Variants in MAGI2 observed in about 807,000 individuals in gnomAD.
The protein encoded by MAGI2 is membrane-associated guanylate kinase, WW and PDZ domain-containing protein 2.
A neutral mutation model predicts 133.3 loss-of-function variants in MAGI2; 35 were observed. That is an observed-to-expected ratio of 0.26 (90% CI 0.20 to 0.35). The LOEUF (loss-of-function observed/expected upper bound fraction) is 0.35. Ranked by LOEUF, MAGI2 falls within the 10% of genes least tolerant of loss-of-function variation. The pLI, the probability that MAGI2 is intolerant of heterozygous loss-of-function variation, is 1.00. For missense variants in MAGI2, 1,636 were observed against 1,863.4 expected (o/e 0.88, Z 2.25); for synonymous variants, 729 against 710.6 (o/e 1.03, Z -0.41).
intron 2 of MAGI2, among the ~76,000 whole-genome samples, chr7:78,756,559 T>C (rs935555946): frequency 6.6e-6 from 1 of 152,160 alleles, no homozygotes; most frequent in Non-Finnish European, 1.5e-5. Flanking sequence ...TTGGCAGCTA[T>C]GTTTGCACAA....
At chr7:78,679,523 A>T (rs1815415830) in intron 2 of MAGI2, among the ~76,000 whole-genome samples, 1 of 130,768 alleles carries the variant, frequency 7.6e-6, no homozygotes, top group African/African-American at 3.1e-5. Flanking sequence ...ATCCTAAATG[A>T]GCACAGCTCT....
intron 9 of MAGI2, among the ~76,000 whole-genome samples, chr7:78,342,197 TA>T (rs1354072521): frequency 1.3e-5 from 2 of 151,126 alleles, no homozygotes; most frequent in African/African-American, 2.4e-5. Context: ...TCAACAAACA[TA>T]AAAAAAGGCT....
At chr7:78,816,728 CTTAGAAAAAAAAAAGA>C (rs1218783370) in intron 2 of MAGI2, among the ~76,000 whole-genome samples, 2 of 151,736 alleles carry the variant, frequency 1.3e-5, no homozygotes, top group Non-Finnish European at 2.9e-5. Context: ...AGAACTACTG[CTTAGAAAAAAAAAAGA>C]TTCCTTTCAA....
intron 6 of MAGI2, among the ~76,000 whole-genome samples, chr7:78,473,341 A>G (rs1791420741): frequency 6.6e-6 from 1 of 152,194 alleles, no homozygotes; most frequent in Admixed American, 6.5e-5. Context: ...GATTTTTTTG[A>G]TGGCACACAA....
chr7:78,553,926 G>T (rs1330722326), intron 3 of MAGI2, among the ~76,000 whole-genome samples: 1 of 152,108 alleles, frequency 6.6e-6, no homozygotes, highest in African/African-American at 2.4e-5. Flanking sequence ...GGAGAGATGT[G>T]GGGTGAAGGC....
At chr7:79,419,542 C>CCATAGCTG (rs1846787621) in intron 1 of MAGI2, among the ~76,000 whole-genome samples, 1 of 151,948 alleles carries the variant, frequency 6.6e-6, no homozygotes, top group Admixed American at 6.6e-5. Flanking sequence ...CCAAATTAAC[C>CCATAGCTG]CATAGCTGTT....
intron 9 of MAGI2, among the ~76,000 whole-genome samples, chr7:78,312,998 C>T (rs1042311806): frequency 7.3e-5 from 11 of 151,056 alleles, no homozygotes; most frequent in Admixed American, 7.3e-4. Context: ...CATAGAATAC[C>T]ACTCAGCCAT....
intron 2 of MAGI2, among the ~76,000 whole-genome samples, chr7:78,916,438 T>G (rs1023827396): frequency 6.6e-6 from 1 of 152,120 alleles, no homozygotes; most frequent in Non-Finnish European, 1.5e-5. Context: ...TTTTTGAAAT[T>G]TACAGAAGAC....
At chr7:78,136,303 G>T (rs989478493) in intron 16 of MAGI2, among the ~76,000 whole-genome samples, 2 of 152,202 alleles carry the variant, frequency 1.3e-5, no homozygotes, top group African/African-American at 2.4e-5. Flanking sequence ...TGTATTTTTA[G>T]TAGAGTCGGG....
chr7:78,933,557 G>T (rs1397384193), intron 2 of MAGI2, among the ~76,000 whole-genome samples: 4 of 152,102 alleles, frequency 2.6e-5, no homozygotes, highest in Non-Finnish European at 5.9e-5. Context: ...GGAAGAAATA[G>T]ATATCAGAGA....
At chr7:78,461,920 A>AT (rs201920571) in intron 6 of MAGI2, among the ~76,000 whole-genome samples, 1 of 107,266 alleles carries the variant, frequency 9.3e-6, no homozygotes, top group African/African-American at 4.2e-5. Flanking sequence ...CCGTCTCAAA[A>AT]AAAAAAAAAA....
chr7:79,366,254 C>A (rs752563196), intron 1 of MAGI2, among the ~76,000 whole-genome samples: 1 of 151,974 alleles, frequency 6.6e-6, no homozygotes, highest in Non-Finnish European at 1.5e-5. Context: ...AACAAACAAA[C>A]AAACAAAGAA....
At chr7:78,240,247 CT>C (rs1435984492) in intron 10 of MAGI2, among the ~76,000 whole-genome samples, 5 of 152,092 alleles carry the variant, frequency 3.3e-5, no homozygotes, top group Admixed American at 3.3e-4. Flanking sequence ...GGTTTTCTGT[CT>C]TTGTGATAGT....
chr7:79,111,408 CA>C (rs767250574), intron 1 of MAGI2, among the ~76,000 whole-genome samples: 1 of 152,150 alleles, frequency 6.6e-6, no homozygotes, highest in Non-Finnish European at 1.5e-5. Flanking sequence ...CCTAAAGACA[CA>C]AATACCTTGG....
intron 10 of MAGI2, among the ~76,000 whole-genome samples, chr7:78,202,678 G>C (rs868619708): frequency 1.5e-3 from 94 of 62,650 alleles, no homozygotes; most frequent in African/African-American, 5.2e-3. Context: ...GTGAGACTCT[G>C]TCTCAAAAAA....
chr7:78,324,170 C>CACACT (rs71085522), intron 9 of MAGI2, among the ~76,000 whole-genome samples: 44,632 of 126,642 alleles, frequency 0.35, 7,557 homozygotes, highest in Middle Eastern at 0.4. Context: ...CACTACACTA[C>CACACT]ACACTACACT....
intron 1 of MAGI2, among the ~76,000 whole-genome samples, chr7:79,263,193 T>C (rs943472527): frequency 2.3e-4 from 35 of 152,176 alleles, no homozygotes; most frequent in Non-Finnish European, 5.0e-4. Context: ...TCTGCCTCTG[T>C]AACACCTAAT....
intron 16 of MAGI2, among the ~76,000 whole-genome samples, chr7:78,153,233 T>G (rs1222551012): frequency 2.0e-5 from 3 of 152,182 alleles, no homozygotes; most frequent in African/African-American, 7.2e-5. Flanking sequence ...CAAATCCCAA[T>G]AAAACCTAAA....
chr7:78,947,204 C>T (rs369134500), intron 2 of MAGI2, among the ~76,000 whole-genome samples: 6 of 151,992 alleles, frequency 3.9e-5, no homozygotes, highest in African/African-American at 1.2e-4. Flanking sequence ...AAGGATGGAG[C>T]GTTCACTCTA....
Sources: gnomAD v4.1 joint callset for allele counts (sites outside exome capture counted in the v4.1 genomes callset) on GRCh38, gnomAD v4.1.1 for gene constraint, MANE v1.5 for transcripts, NCBI Gene and HGNC (gene_info 2026-07-23, HGNC 2026-07-21) for gene names.